Variants in NRXN3 observed in about 807,000 individuals in gnomAD.
NRXN3 encodes the protein neurexin III.
In NRXN3, 32 loss-of-function variants were observed where a neutral mutation model predicts 137.6. That is an observed-to-expected ratio of 0.23 (90% CI 0.18 to 0.31). The LOEUF (loss-of-function observed/expected upper bound fraction) is 0.31, where lower values mean the gene tolerates loss of function less well. NRXN3 is among the 10% of genes least tolerant of loss of function. NRXN3 has a pLI of 1.00. For missense variants in NRXN3, 1,574 were observed against 2,062.5 expected, an observed-to-expected ratio of 0.76 and a Z score of 4.59; for synonymous variants, 798 against 784.5, an observed-to-expected ratio of 1.02 and a Z score of -0.29.
At chr14:79,364,200 A>G (rs1686971461) in intron 15 of NRXN3, among the ~76,000 whole-genome samples, 1 of 152,086 alleles carries the variant, frequency 6.6e-6, no homozygotes, top group Non-Finnish European at 1.5e-5. Context: ...CTATAATTCT[A>G]GATAAAATTA....
chr14:78,464,447 T>C (rs1320984147), intron 4 of NRXN3, among the ~76,000 whole-genome samples: 1 of 152,146 alleles, frequency 6.6e-6, no homozygotes, highest in Non-Finnish European at 1.5e-5. Flanking sequence ...AAGAGTGTCT[T>C]AGAATCATAT....
chr14:79,121,863 A>G (rs1596190920), intron 15 of NRXN3, among the ~76,000 whole-genome samples: 1 of 152,232 alleles, frequency 6.6e-6, no homozygotes. Context: ...ACCAAACCAT[A>G]GTAACTAAAA....
intron 16 of NRXN3, among the ~76,000 whole-genome samples, chr14:79,503,328 A>C (rs2096843101): frequency 6.6e-6 from 1 of 152,170 alleles, no homozygotes; most frequent in African/African-American, 2.4e-5. Flanking sequence ...CCTCACTGAC[A>C]CAGCATAAAT....
intron 15 of NRXN3, among the ~76,000 whole-genome samples, chr14:78,996,339 G>T (rs959109300): frequency 7.9e-5 from 12 of 152,124 alleles, no homozygotes; most frequent in African/African-American, 2.9e-4. Context: ...CAAGTGATTT[G>T]CTCAAGGTGA....
intron 20 of NRXN3, among the ~76,000 whole-genome samples, chr14:79,820,468 G>A (rs1215459294): frequency 6.6e-6 from 1 of 152,166 alleles, no homozygotes; most frequent in Non-Finnish European, 1.5e-5. Context: ...CTACCAGCCA[G>A]ATTTAGTACT....
At chr14:78,892,213 G>T (rs1451375345) in intron 10 of NRXN3, among the ~76,000 whole-genome samples, 1 of 151,976 alleles carries the variant, frequency 6.6e-6, no homozygotes, top group Non-Finnish European at 1.5e-5. Context: ...CTGGGCACAG[G>T]AACGCTTTAA....
intron 2 of NRXN3, among the ~76,000 whole-genome samples, chr14:78,276,007 G>T (rs575053587): frequency 6.6e-6 from 1 of 152,262 alleles, no homozygotes; most frequent in African/African-American, 2.4e-5. Context: ...TGGGCCAGGG[G>T]CCAGGTGATA....
intron 15 of NRXN3, among the ~76,000 whole-genome samples, chr14:79,317,249 G>C (rs1231695591): frequency 1.3e-5 from 2 of 151,974 alleles, no homozygotes; most frequent in African/African-American, 2.4e-5. Flanking sequence ...GAAAAAAAAA[G>C]TGTTGGCGGG....
intron 8 of NRXN3, among the ~76,000 whole-genome samples, chr14:78,742,033 A>G (rs2098578112): frequency 6.6e-6 from 1 of 152,186 alleles, no homozygotes. Flanking sequence ...CCCTGGAGGT[A>G]GTGCAGCCTC....
chr14:79,203,731 AGAGAT>A (rs2066399308), intron 15 of NRXN3, among the ~76,000 whole-genome samples: 1 of 152,196 alleles, frequency 6.6e-6, no homozygotes, highest in Non-Finnish European at 1.5e-5. Flanking sequence ...CTTGTCTAGC[AGAGAT>A]AACAACAGGT....
At chr14:79,170,860 A>G (rs1441948371) in intron 15 of NRXN3, among the ~76,000 whole-genome samples, 1 of 152,090 alleles carries the variant, frequency 6.6e-6, no homozygotes, top group Non-Finnish European at 1.5e-5. Context: ...ACCCAACCTC[A>G]TGGGTTTAGG....
At chr14:78,459,271 GCCT>G (rs1259084224) in intron 4 of NRXN3, among the ~76,000 whole-genome samples, 1 of 152,182 alleles carries the variant, frequency 6.6e-6, no homozygotes, top group African/African-American at 2.4e-5. Flanking sequence ...GCATTACCTA[GCCT>G]CCTCGTGCCT....
At chr14:79,162,835 C>T (rs972988671) in intron 15 of NRXN3, among the ~76,000 whole-genome samples, 2 of 151,834 alleles carry the variant, frequency 1.3e-5, no homozygotes, top group Non-Finnish European at 2.9e-5. Flanking sequence ...CTCCTCTACT[C>T]CCCATTTCCT....
intron 4 of NRXN3, among the ~76,000 whole-genome samples, chr14:78,582,558 TG>T (rs1356577532): frequency 6.6e-6 from 1 of 152,052 alleles, no homozygotes; most frequent in Non-Finnish European, 1.5e-5. Context: ...ATTTCAAGAG[TG>T]GGTTGTTATA....
chr14:79,779,109 T>C (rs761402305), intron 19 of NRXN3, among the ~76,000 whole-genome samples: 1 of 152,104 alleles, frequency 6.6e-6, no homozygotes, highest in Non-Finnish European at 1.5e-5. Context: ...CAATGAATTG[T>C]TGTTGTTGTT....
chr14:79,763,059 C>G (rs1337313961), intron 19 of NRXN3, among the ~76,000 whole-genome samples: 1 of 150,994 alleles, frequency 6.6e-6, no homozygotes, highest in Non-Finnish European at 1.5e-5. Context: ...TGATGTTCCC[C>G]CCTCCCTGTG....
chr14:79,688,734 C>A (rs762403324), intron 17 of NRXN3, among the ~76,000 whole-genome samples: 1 of 152,130 alleles, frequency 6.6e-6, no homozygotes, highest in Non-Finnish European at 1.5e-5. Context: ...GTATTCTGTT[C>A]TTCACAATAT....
intron 15 of NRXN3, among the ~76,000 whole-genome samples, chr14:79,110,786 ATTTATTTATTTT>A (rs1350420260): frequency 2.0e-4 from 30 of 148,562 alleles, no homozygotes; most frequent in East Asian, 7.9e-4. Context: ...TTATTTATTT[ATTTATTTATTTT>A]TTTATTTTTT....
intron 4 of NRXN3, among the ~76,000 whole-genome samples, chr14:78,625,340 C>G (rs937529534): frequency 6.6e-6 from 1 of 152,088 alleles, no homozygotes; most frequent in African/African-American, 2.4e-5. Context: ...CTCACCATAC[C>G]CAAAAGATAT....
Sources: gnomAD v4.1 joint callset for allele counts (sites outside exome capture counted in the v4.1 genomes callset) on GRCh38, gnomAD v4.1.1 for gene constraint, MANE v1.5 for transcripts, NCBI Gene and HGNC (gene_info 2026-07-23, HGNC 2026-07-21) for gene names.